SPART: variants seen among roughly 807,000 people sequenced by gnomAD.
SPART encodes the protein spastic paraplegia 20 (Troyer syndrome).
Under a neutral mutation model 58.7 loss-of-function variants are expected in SPART, and 35 were observed. The observed-to-expected ratio is 0.60, with a 90% CI of 0.46 to 0.79. The LOEUF (loss-of-function observed/expected upper bound fraction) is 0.79, where lower values mean the gene tolerates loss of function less well. Ranked by LOEUF, SPART falls within the 30% of genes least tolerant of loss-of-function variation. SPART has a pLI of 0.00. For missense variants in SPART, 730 were observed against 786.1 expected (o/e 0.93, Z 0.85); for synonymous variants, 284 against 280.7 (o/e 1.01, Z -0.12).
In SPART at chr13:36,314,215, G is replaced by T. The variant is rs373254530; in HGVS notation, c.1483+12C>A. On this transcript the variant is annotated intron_variant, in intron 6 of 8. Transcript: ENST00000438666. ...TAACTTTAAAAAGTAAAGTTATCTA[G>T]AATTACTTTACCCAGGAACTGACTG... The T allele has an allele frequency of 5.6e-5, 91 of 1,611,590 alleles. No individual in the cohort carries two copies. In the African/African-American group the frequency reaches 1.2e-3, roughly 21 times the overall value.
At position 36,302,427 on chromosome 13, in the gene SPART, C is replaced by T. The variant is rs1480944407; in HGVS notation, c.*1938G>A. 1.3e-5 allele frequency: 2 copies of T among 152,258 alleles called. No homozygotes were observed. The highest frequency in any genetic ancestry group is 1.5e-5 in the Non-Finnish European group (1 of 68,006). The allele number at this position is 152,258 out of a possible 1,614,324, so 9.4% of individuals were successfully genotyped here. ...CTCTGATGCAACTATTCAACTCTCA[C>T]GTTGAACTAGACAGCAGCCATAGCC... is the stretch of plus-strand genomic sequence containing the variant. On this transcript the variant is annotated 3_prime_UTR_variant, in exon 9 of 9. Coordinates refer to ENST00000438666, the MANE Select transcript of SPART (RefSeq NM_015087.5).
chr13:36,339,640 A>C (rs1323020028), intron 1 of SPART, among the ~76,000 whole-genome samples: 1 of 149,924 alleles, frequency 6.7e-6, no homozygotes, highest in African/African-American at 2.4e-5. Context: ...AAAAAAAAAA[A>C]AAAAAAAAAA....
In SPART at chr13:36,329,387, C is replaced by T. The variant is rs956021462; in HGVS notation, c.1139G>A (p.Arg380His). ...KQLDQGNKDV[R>H]HKGKRGKRAK... is the part of the protein sequence containing the mutation. ...CCTTTTTCCACGTTTTCCTTTATGA[C>T]GTACATCCTTATTGCCTTGGTCCAA... Residue 380 changes from arginine (R) to histidine (H), a missense_variant, in exon 4 of 9, where the codon CGT (arginine) becomes CAT (histidine). Coordinates refer to ENST00000438666, the MANE Select transcript of SPART (RefSeq NM_015087.5). 36 of 1,613,990 alleles carry T rather than the reference C, an allele frequency of 2.2e-5. No individual in the cohort carries two copies. The Admixed American group carries it at 2.7e-4, about 12-fold the overall frequency.
At chr13:36,330,959 C>T (rs571086248) in intron 3 of SPART, among the ~76,000 whole-genome samples, 2 of 152,268 alleles carry the variant, frequency 1.3e-5, no homozygotes, top group South Asian at 4.1e-4. Context: ...ACCATTTAGA[C>T]CCATTAGTAC....
intron 8 of SPART, among the ~76,000 whole-genome samples, chr13:36,305,794 C>G (rs1880452919): frequency 1.3e-5 from 2 of 152,070 alleles, no homozygotes; most frequent in South Asian, 4.2e-4. Flanking sequence ...ACAGATTTCC[C>G]CCAAATAGAG....
chr13:36,363,698 A>G (rs1885951887), intron 1 of SPART, among the ~76,000 whole-genome samples: 1 of 152,062 alleles, frequency 6.6e-6, no homozygotes, highest in African/African-American at 2.4e-5. Context: ...GCAACACCGA[A>G]TCAGCTCTGC....
At chr13:36,353,381 G>A (rs1162562525) in intron 1 of SPART, among the ~76,000 whole-genome samples, 2 of 152,172 alleles carry the variant, frequency 1.3e-5, no homozygotes, top group African/African-American at 4.8e-5. Flanking sequence ...TTCTATGAGA[G>A]GTGGGAATGG....
At chr13:36,368,891 C>G (rs1414389308) in intron 1 of SPART, among the ~76,000 whole-genome samples, 1 of 152,042 alleles carries the variant, frequency 6.6e-6, no homozygotes, top group African/African-American at 2.4e-5. Context: ...CCCAGCTACT[C>G]GGGAGGCTGA....
intron 8 of SPART, among the ~76,000 whole-genome samples, chr13:36,310,414 G>C (rs1260302149): frequency 6.6e-6 from 1 of 151,884 alleles, no homozygotes; most frequent in East Asian, 1.9e-4. Context: ...GAGTCAGGTA[G>C]AAAGAATAAG....
chr13:36,362,742 C>T (rs1225034644), intron 1 of SPART, among the ~76,000 whole-genome samples: 1 of 152,030 alleles, frequency 6.6e-6, no homozygotes, highest in Non-Finnish European at 1.5e-5. Context: ...TGCCCCTCAG[C>T]TGCTAGCCCA....
At chr13:36,323,066 T>C (rs1882576176) in intron 5 of SPART, among the ~76,000 whole-genome samples, 1 of 152,198 alleles carries the variant, frequency 6.6e-6, no homozygotes, top group African/African-American at 2.4e-5. Flanking sequence ...GGAGGCATCA[T>C]AGTTGCCTCC....
Position 36,302,789 on chromosome 13 carries a change from T to G in SPART, c.*1576A>C, listed in dbSNP as rs1349032004. On this transcript the variant is annotated 3_prime_UTR_variant, in exon 9 of 9. Coordinates refer to ENST00000438666, the MANE Select transcript of SPART (RefSeq NM_015087.5). ...TTAAATGTATAAAGTTATTGTTGAC[T>G]GTAGTCACCCTGTTGGGCTATCAAA... The G allele has an allele frequency of 6.6e-6, 1 of 152,206 alleles. No homozygotes were observed. The highest frequency in any genetic ancestry group is 2.4e-5 in the African/African-American group (1 of 41,454). 9.4% of individuals were successfully genotyped at this position (152,206 alleles called of 1,614,324 possible).
chr13:36,369,213 C>T (rs1886181747), intron 1 of SPART, among the ~76,000 whole-genome samples: 2 of 152,046 alleles, frequency 1.3e-5, no homozygotes, highest in African/African-American at 4.8e-5. Context: ...TGTATTAATT[C>T]ATTTAGTCCT....
chr13:36,337,287 C>T (rs576680940), intron 1 of SPART, among the ~76,000 whole-genome samples: 1 of 152,280 alleles, frequency 6.6e-6, no homozygotes, highest in East Asian at 1.9e-4. Flanking sequence ...ATCCTTTTGT[C>T]CAGGGCATCC....
At chr13:36,319,347 T>C (rs1353736470) in intron 5 of SPART, among the ~76,000 whole-genome samples, 1 of 146,978 alleles carries the variant, frequency 6.8e-6, no homozygotes, top group Non-Finnish European at 1.5e-5. Context: ...AAGTATAAGA[T>C]ACCTCTACTC....
intron 5 of SPART, 121 bp downstream of exon 5, chr13:36,326,454 G>C (rs1468714101): frequency 1.2e-5 from 14 of 1,186,194 alleles, no homozygotes; most frequent in African/African-American, 3.1e-5. Context: ...TTTCTAAATT[G>C]ATCATTTAAA....
At chr13:36,327,373 A>AAT (rs1352765920) in intron 4 of SPART, among the ~76,000 whole-genome samples, 1 of 152,230 alleles carries the variant, frequency 6.6e-6, no homozygotes, top group East Asian at 1.9e-4. Context: ...TAACACAAAG[A>AAT]ATGTCACATA....
chr13:36,329,619 G>A, intron 3 of SPART, 102 bp from the exon 4 acceptor site: 1 of 1,268,474 alleles, frequency 7.9e-7, no homozygotes, highest in Non-Finnish European at 1.1e-6. Context: ...TTGTTTGAAT[G>A]TCAGTTTGGC....
At position 36,304,282 on chromosome 13, in the gene SPART, C is replaced by T; in HGVS notation, c.*83G>A. 1 of 1,500,968 alleles carries T rather than the reference C, an allele frequency of 6.7e-7. No individual in the cohort carries two copies. The highest frequency in any genetic ancestry group is 9.3e-7 in the Non-Finnish European group (1 of 1,080,274). The allele number at this position is 1,500,968 out of a possible 1,614,324, so 93.0% of individuals were successfully genotyped here. A position where few individuals can be genotyped will look rare whatever the true frequency, so the allele number is the denominator to read the frequency against. ...ATACATTTAAAAAATACTGGTTAAT[C>T]TGTGAGGAATTCCACATTTGCCTAT... is the stretch of plus-strand genomic sequence containing the variant. On this transcript the variant is annotated 3_prime_UTR_variant, in exon 9 of 9. Transcript: ENST00000438666.
Sources: gnomAD v4.1 joint callset for allele counts (sites outside exome capture counted in the v4.1 genomes callset) on GRCh38, gnomAD v4.1.1 for gene constraint, MANE v1.5 for transcripts, NCBI Gene and HGNC (gene_info 2026-07-23, HGNC 2026-07-21) for gene names.